PIK3C2G: variants seen among roughly 807,000 people sequenced by gnomAD.
The protein encoded by PIK3C2G is phosphatidylinositol-4-phosphate 3-kinase catalytic subunit type 2 gamma.
PIK3C2G carries 168 observed loss-of-function variants against 181.1 expected under a neutral mutation model. The observed-to-expected ratio is 0.93, with a 90% CI of 0.82 to 1.05. The LOEUF is 1.05. Among genes scored for constraint, PIK3C2G ranks in the 50% least tolerant of loss-of-function variants. The pLI is 0.00. For missense variants in PIK3C2G, 1,869 were observed against 1,732.8 expected (o/e 1.08, Z -1.40); for synonymous variants, 573 against 592.2 (o/e 0.97, Z 0.47).
chr12:18,243,113 A>T (rs1948001884), upstream of PIK3C2G, among the ~76,000 whole-genome samples: 1 of 152,098 alleles, frequency 6.6e-6, no homozygotes, highest in Admixed American at 6.6e-5. Context: ...CAACATCAAG[A>T]TTATTTGATT....
chr12:18,627,376 T>G (rs1201869900), intron 31 of PIK3C2G, among the ~76,000 whole-genome samples: 1 of 152,130 alleles, frequency 6.6e-6, no homozygotes, highest in Non-Finnish European at 1.5e-5. Flanking sequence ...TAGATATCCC[T>G]TTCTTTGGGC....
At chr12:18,607,225 T>C (rs1159135449) in intron 30 of PIK3C2G, 1 of 511,196 alleles carries the variant, frequency 2.0e-6, no homozygotes, top group Non-Finnish European at 3.9e-6. Flanking sequence ...TGATTTTAAT[T>C]GAAAGGAATA....
rs781518427 is a variant in PIK3C2G, at chr12:18,293,944, T to A, written c.963T>A (p.Phe321Leu). 2.5e-6 allele frequency: 4 copies of A among 1,597,646 alleles called. No individual in the cohort carries two copies. The African/African-American group carries it at 5.4e-5, about 21-fold the overall frequency. The change falls in exon 5 of 33, where the codon TTT becomes TTA. Residue 321 changes from phenylalanine (F) to leucine (L), a missense_variant. Transcript: ENST00000538779. ...ATCTAATTGCAGAAATTCTGCATTT[T>A]TGCACAAATGACCAGCTACTCCCCA... ...VKDLIAEILH[F>L]CTNDQLLPKD...
the PIK3C2G span, among the ~76,000 whole-genome samples, chr12:18,707,102 A>T: frequency 2.0e-5 from 3 of 152,180 alleles, no homozygotes; most frequent in African/African-American, 7.2e-5. Flanking sequence ...AGTCCTTATG[A>T]TGGTGTTCAG....
chr12:18,393,768 A>T (rs1818583436), intron 15 of PIK3C2G, among the ~76,000 whole-genome samples: 1 of 152,136 alleles, frequency 6.6e-6, no homozygotes, highest in Admixed American at 6.6e-5. Flanking sequence ...TTGGGATTAA[A>T]GTGGCTTTCA....
intron 26 of PIK3C2G, among the ~76,000 whole-genome samples, chr12:18,558,779 G>A (rs965277522): frequency 1.2e-4 from 19 of 152,138 alleles, no homozygotes; most frequent in African/African-American, 4.3e-4. Context: ...ATTTAAAACT[G>A]TAAAGCTATT....
At chr12:18,332,130 A>G (rs147073385) in intron 8 of PIK3C2G, among the ~76,000 whole-genome samples, 1 of 152,236 alleles carries the variant, frequency 6.6e-6, no homozygotes, top group African/African-American at 2.4e-5. Context: ...TTGGCATAAG[A>G]GTAATGCTGG....
At chr12:18,256,138 C>T (rs10841000) in intron 1 of PIK3C2G, among the ~76,000 whole-genome samples, 75,768 of 151,886 alleles carry the variant, frequency 0.5, 19,405 homozygotes, top group East Asian at 0.75. Flanking sequence ...TAAGAAAGAA[C>T]TAGAAAATAT....
At chr12:18,696,230 G>A in the PIK3C2G span, 1 of 1,591,976 alleles carries the variant, frequency 6.3e-7, no homozygotes, top group Non-Finnish European at 8.6e-7. Flanking sequence ...ATATATTCTG[G>A]TAATGAACTT....
chr12:18,673,666 C>T, the PIK3C2G span, among the ~76,000 whole-genome samples: 2 of 152,176 alleles, frequency 1.3e-5, no homozygotes, highest in Non-Finnish European at 2.9e-5. Context: ...GAAATCCAGG[C>T]ACAGCTACTG....
chr12:18,690,638 T>TA, the PIK3C2G span, among the ~76,000 whole-genome samples: 11 of 152,266 alleles, frequency 7.2e-5, no homozygotes, highest in Admixed American at 1.3e-4. Flanking sequence ...CAGAGGGTGT[T>TA]ACGGAAAACA....
intron 30 of PIK3C2G, among the ~76,000 whole-genome samples, chr12:18,596,642 A>C (rs1023875419): frequency 6.6e-6 from 1 of 152,180 alleles, no homozygotes; most frequent in Admixed American, 6.6e-5. Context: ...GTTAATGAGC[A>C]TGATTAAGCA....
At chr12:18,278,093 T>C (rs1248627091) in intron 1 of PIK3C2G, among the ~76,000 whole-genome samples, 1 of 152,208 alleles carries the variant, frequency 6.6e-6, no homozygotes, top group Non-Finnish European at 1.5e-5. Flanking sequence ...TCAGTTCATA[T>C]ATTGTATTTA....
intron 18 of PIK3C2G, among the ~76,000 whole-genome samples, chr12:18,481,351 C>G (rs1368041448): frequency 6.6e-6 from 1 of 152,138 alleles, no homozygotes; most frequent in African/African-American, 2.4e-5. Flanking sequence ...GTAAGGAGCT[C>G]TGATTTCTTA....
At chr12:18,503,011 T>C (rs1941597543) in intron 22 of PIK3C2G, among the ~76,000 whole-genome samples, 1 of 152,172 alleles carries the variant, frequency 6.6e-6, no homozygotes, top group African/African-American at 2.4e-5. Flanking sequence ...TCTCTGTTCA[T>C]CATCAACATT....
intron 7 of PIK3C2G, among the ~76,000 whole-genome samples, chr12:18,322,013 G>A (rs1004831541): frequency 9.9e-5 from 15 of 152,176 alleles, no homozygotes; most frequent in African/African-American, 3.4e-4. Flanking sequence ...GGGTTGATAG[G>A]TGCAGCAAAC....
rs768013752 is a variant in PIK3C2G at position 18,371,312 on chromosome 12, G to T, written c.1880+1G>T. On this transcript the variant is annotated splice_donor_variant, in intron 13 of 32. Coordinates refer to ENST00000538779, the MANE Select transcript of PIK3C2G (RefSeq NM_001288772.2). LOFTEE classifies it high-confidence loss of function. Reference sequence around the variant, plus strand: ...CTTGTCTTCCACTGTTTCCAAAAGAGTAAGTGTATCAATTGTGAGTAATAA... The same window carrying T: ...CTTGTCTTCCACTGTTTCCAAAAGATTAAGTGTATCAATTGTGAGTAATAA... 2 of 1,603,874 alleles carry T rather than the reference G, an allele frequency of 1.2e-6. No individual in the cohort carries two copies. Among genetic ancestry groups the T allele is most frequent in the African/African-American group, 2.7e-5 (2 of 74,686 alleles).
Position 18,381,822 on chromosome 12 carries a change from T to C in PIK3C2G, c.1937T>C (p.Val646Ala), listed in dbSNP as rs759665935. The C allele has an allele frequency of 2.5e-6, 4 of 1,613,826 alleles. No homozygotes were observed. The South Asian group carries it at 4.4e-5, about 18-fold the overall frequency. ...FSMTLQSEPP[V>A]EMITPGVWDV... is the part of the protein sequence containing the mutation. ...ATGACATTACAGAGTGAGCCTCCCG[T>C]AGAAATGATAACTCCAGGAGTGTGG... The change falls in exon 14 of 33, where the codon GTA becomes GCA. Residue 646 changes from valine to alanine, a missense_variant. Physicochemically the swap from Val to Ala is moderately conservative, Grantham distance 64 (BLOSUM62 0). Transcript: ENST00000538779.
chr12:18,392,716 G>T (rs1016056584), intron 15 of PIK3C2G, among the ~76,000 whole-genome samples: 2 of 151,836 alleles, frequency 1.3e-5, no homozygotes, highest in Non-Finnish European at 2.9e-5. Context: ...TTTAGCTCTT[G>T]TCCCCCTCAT....
Sources: gnomAD v4.1 joint callset for allele counts (sites outside exome capture counted in the v4.1 genomes callset) on GRCh38, gnomAD v4.1.1 for gene constraint, MANE v1.5 for transcripts, NCBI Gene and HGNC (gene_info 2026-07-23, HGNC 2026-07-21) for gene names.